The following EDNRB variants were observed in gnomAD, a reference collection of about 807,000 sequenced individuals.
EDNRB encodes Hirschsprung disease 2.
A neutral mutation model predicts 46.4 loss-of-function variants in EDNRB; 18 were observed. The ratio of observed to expected loss-of-function variants is 0.39; its 90% CI spans 0.27 to 0.57. EDNRB has a LOEUF of 0.57. Among genes scored for constraint, EDNRB ranks in the 20% least tolerant of loss-of-function variants. EDNRB has a pLI of 0.61. For synonymous variants in EDNRB, 213 were observed against 204.9 expected, an observed-to-expected ratio of 1.04 and a Z score of -0.34; for missense variants, 434 against 537.5, an observed-to-expected ratio of 0.81 and a Z score of 1.90.
At chr13:77,928,498 G>T (rs1252778992) in intron 1 of EDNRB, among the ~76,000 whole-genome samples, 1 of 152,086 alleles carries the variant, frequency 6.6e-6, no homozygotes. Flanking sequence ...ATATTTTAAG[G>T]AGTTTCGTTT....
At chr13:77,904,693 G>A (rs1487635593) in intron 1 of EDNRB, among the ~76,000 whole-genome samples, 1 of 151,734 alleles carries the variant, frequency 6.6e-6, no homozygotes, top group Non-Finnish European at 1.5e-5. Flanking sequence ...TATTAAATGT[G>A]GTTATTTTCT....
upstream of EDNRB, chr13:77,919,635 A>C (rs1594375115): frequency 6.4e-7 from 1 of 1,573,720 alleles, no homozygotes; most frequent in Non-Finnish European, 8.7e-7. Context: ...CCCATCAATC[A>C]CCGCCAGACT....
intron 1 of EDNRB, chr13:77,975,265 A>G (rs945571595): frequency 1.3e-5 from 2 of 152,374 alleles, no homozygotes; most frequent in Admixed American, 1.3e-4. Flanking sequence ...CCAAAACCAA[A>G]GTGCCAATAA....
intron 1 of EDNRB, among the ~76,000 whole-genome samples, chr13:77,909,136 G>T (rs1341934594): frequency 6.6e-6 from 1 of 151,906 alleles, no homozygotes; most frequent in African/African-American, 2.4e-5. Context: ...ATTGAAAAAA[G>T]GTGTGGCCAT....
At chr13:77,928,643 A>T (rs1206347663) in intron 1 of EDNRB, among the ~76,000 whole-genome samples, 1 of 152,198 alleles carries the variant, frequency 6.6e-6, no homozygotes, top group African/African-American at 2.4e-5. Flanking sequence ...TGCCAGAAAA[A>T]TACAACTGGC....
intron 1 of EDNRB, among the ~76,000 whole-genome samples, chr13:77,909,222 A>G (rs1308271796): frequency 6.6e-6 from 1 of 152,082 alleles, no homozygotes; most frequent in African/African-American, 2.4e-5. Flanking sequence ...TGAGAAAGAA[A>G]CAAGGCAAGA....
intron 1 of EDNRB, among the ~76,000 whole-genome samples, chr13:77,929,909 T>G (rs967235067): frequency 3.3e-5 from 5 of 152,186 alleles, no homozygotes; most frequent in African/African-American, 1.2e-4. Context: ...TGGAATACAG[T>G]GATTGTCTAG....
At chr13:77,966,441 G>C (rs1881584880) in intron 1 of EDNRB, among the ~76,000 whole-genome samples, 1 of 152,092 alleles carries the variant, frequency 6.6e-6, no homozygotes, top group Non-Finnish European at 1.5e-5. Context: ...GTCTACAATA[G>C]TTTTTAACAC....
chr13:77,968,254 C>G (rs759324436), intron 1 of EDNRB, among the ~76,000 whole-genome samples: 1 of 151,954 alleles, frequency 6.6e-6, no homozygotes, highest in East Asian at 1.9e-4. Flanking sequence ...AGAATATTTG[C>G]TCCTTGGTTG....
chr13:77,971,383 C>T (rs1881724584), intron 1 of EDNRB, among the ~76,000 whole-genome samples: 1 of 152,182 alleles, frequency 6.6e-6, no homozygotes, highest in Non-Finnish European at 1.5e-5. Flanking sequence ...GCTAACAGGG[C>T]CATTGCTGCC....
chr13:77,896,568 G>A lies in EDNRB; in HGVS notation c.*1632C>T. ...CAACATGTGGCCCAGCCTATTAAAA[G>A]AAAAACAAAGTAAAAATTTGGGCAT... On this transcript the variant is annotated 3_prime_UTR_variant, in exon 7 of 7. Transcript: ENST00000646607. 1 of 1,549,328 alleles carries A rather than the reference G, an allele frequency of 6.5e-7. No individual in the cohort carries two copies. The highest frequency in any genetic ancestry group is 1.4e-5 in the African/African-American group (1 of 73,178).
intron 1 of EDNRB, among the ~76,000 whole-genome samples, chr13:77,927,202 C>T (rs996586842): frequency 2.8e-4 from 42 of 152,112 alleles, no homozygotes; most frequent in Non-Finnish European, 1.0e-4. Flanking sequence ...TCATAGTAGA[C>T]GCCTGAGATT....
chr13:77,926,716 T>C (rs1430097156), intron 1 of EDNRB, among the ~76,000 whole-genome samples: 3 of 152,212 alleles, frequency 2.0e-5, no homozygotes, highest in Non-Finnish European at 4.4e-5. Flanking sequence ...CTTCACATTT[T>C]TGGGTATTTT....
chr13:77,948,455 G>A (rs1484897000), intron 1 of EDNRB, among the ~76,000 whole-genome samples: 2 of 152,142 alleles, frequency 1.3e-5, no homozygotes, highest in Non-Finnish European at 1.5e-5. Flanking sequence ...ATACCATACT[G>A]GCACATGGTA....
intron 1 of EDNRB, among the ~76,000 whole-genome samples, chr13:77,916,745 T>C (rs1215354596): frequency 1.3e-5 from 2 of 152,204 alleles, no homozygotes; most frequent in African/African-American, 4.8e-5. Context: ...ACTGAAGTAC[T>C]GAAGTCAGGG....
chr13:77,913,287 G>A (rs184218408), intron 1 of EDNRB, among the ~76,000 whole-genome samples: 28 of 152,162 alleles, frequency 1.8e-4, no homozygotes, highest in Non-Finnish European at 3.5e-4. Flanking sequence ...CTAGTTAAAC[G>A]TTAAAGATCA....
At chr13:77,972,222 A>G (rs1881756613) in intron 1 of EDNRB, among the ~76,000 whole-genome samples, 1 of 152,198 alleles carries the variant, frequency 6.6e-6, no homozygotes. Context: ...CGCCTGGTCA[A>G]CTGGAGGACC....
upstream of EDNRB, chr13:77,918,967 T>G: frequency 9.3e-7 from 1 of 1,069,864 alleles, no homozygotes; most frequent in Non-Finnish European, 1.2e-6. The surrounding 1 kb of genome is among the most constrained non-coding windows in gnomAD (Gnocchi z 4.5). Context: ...TACAGACACG[T>G]CTTAGTTAAG....
chr13:77,896,536 T>C lies in EDNRB; in HGVS notation c.*1664A>G, dbSNP rs199973193. 1 of 1,569,342 alleles carries C rather than the reference T, an allele frequency of 6.4e-7. No homozygotes were observed. Among genetic ancestry groups the C allele is most frequent in the Non-Finnish European group, 8.7e-7 (1 of 1,155,204 alleles). ...ATTGACAGAAAACAACATTACTAGCTTATTTCCAACATGTGGCCCAGCCTA... is the reference window on the plus strand; with the variant it reads ...ATTGACAGAAAACAACATTACTAGCCTATTTCCAACATGTGGCCCAGCCTA... On this transcript the variant is annotated 3_prime_UTR_variant, in exon 7 of 7. Coordinates refer to ENST00000646607, the MANE Select transcript of EDNRB (RefSeq NM_001122659.3).
Sources: gnomAD v4.1 joint callset for allele counts (sites outside exome capture counted in the v4.1 genomes callset) on GRCh38, gnomAD v4.1.1 for gene constraint, Gnocchi (gnomAD v3.1) non-coding constraint, MANE v1.5 for transcripts, NCBI Gene and HGNC (gene_info 2026-07-23, HGNC 2026-07-21) for gene names.